The following PPP1R12B variants were observed in gnomAD, a reference collection of about 807,000 sequenced individuals.
The protein encoded by PPP1R12B is protein phosphatase 1 regulatory subunit 12B.
In PPP1R12B, 76 loss-of-function variants were observed where a neutral mutation model predicts 126.1. The observed-to-expected ratio is 0.60, with a 90% CI of 0.50 to 0.73. The LOEUF is 0.73. PPP1R12B is among the 30% of genes least tolerant of loss of function. PPP1R12B has a pLI of 0.00. For missense variants in PPP1R12B, 1,052 were observed against 1,205.1 expected (o/e 0.87, Z 1.88); for synonymous variants, 356 against 434.7 (o/e 0.82, Z 2.25).
intron 1 of PPP1R12B, among the ~76,000 whole-genome samples, chr1:202,354,683 C>G (rs1042294940): frequency 6.6e-6 from 1 of 151,554 alleles, no homozygotes; most frequent in Non-Finnish European, 1.5e-5. Flanking sequence ...GAGTCTCGCT[C>G]TGTCAGCCAG....
chr1:202,477,739 A>G (rs1676849597), intron 13 of PPP1R12B, among the ~76,000 whole-genome samples: 1 of 152,128 alleles, frequency 6.6e-6, no homozygotes, highest in South Asian at 2.1e-4. Flanking sequence ...GGCAGTATAA[A>G]CTTTAGTGAC....
At chr1:202,440,311 A>G (rs1443914427) in intron 10 of PPP1R12B, among the ~76,000 whole-genome samples, 1 of 152,214 alleles carries the variant, frequency 6.6e-6, no homozygotes, top group Admixed American at 6.5e-5. Flanking sequence ...AGGAAGCTGT[A>G]TTTCAAGGAA....
At chr1:202,480,491 A>G (rs2148817541) in intron 13 of PPP1R12B, among the ~76,000 whole-genome samples, 1 of 152,364 alleles carries the variant, frequency 6.6e-6, no homozygotes, top group East Asian at 1.9e-4. Flanking sequence ...TGGTCAAACA[A>G]TGGGTATTCA....
intron 17 of PPP1R12B, 73 bp from the exon 18 acceptor site, chr1:202,496,708 G>A: frequency 7.4e-7 from 1 of 1,344,940 alleles, no homozygotes; most frequent in South Asian, 1.3e-5. Context: ...ATAATTGATG[G>A]GATCTGACCT....
At position 202,512,396 on chromosome 1, in the gene PPP1R12B, C is replaced by G. The variant is rs1235273609; in HGVS notation, c.2490+15574C>G. On this transcript the variant is annotated intron_variant, in intron 18 of 23. Transcript: ENST00000608999. Reference sequence around the variant, plus strand: ...AAACTCAGCAGGATTTGATGTTTTACTAGATGTGGATGATAAAAGCATAAA... The same window carrying G: ...AAACTCAGCAGGATTTGATGTTTTAGTAGATGTGGATGATAAAAGCATAAA... 6.6e-4 allele frequency among the ~76,000 whole-genome samples: 100 copies of G among 152,242 alleles called. 2 individuals are homozygous for G. Among genetic ancestry groups the G allele is most frequent in the Admixed American group, 6.4e-3 (98 of 15,300 alleles).
intron 19 of PPP1R12B, 129 bp from the exon 20 acceptor site, chr1:202,562,649 T>A (rs751751363): frequency 1.9e-5 from 20 of 1,035,334 alleles, no homozygotes; most frequent in African/African-American, 1.9e-4. Context: ...GGAAAGAATG[T>A]TATGAGTTGT....
chr1:202,459,734 C>T (rs1674079557), intron 13 of PPP1R12B, among the ~76,000 whole-genome samples: 1 of 152,208 alleles, frequency 6.6e-6, no homozygotes, highest in East Asian at 1.9e-4. Context: ...ATTGAATTTA[C>T]TGACCATTTC....
intron 18 of PPP1R12B, among the ~76,000 whole-genome samples, chr1:202,528,443 CT>C (rs1374973254): frequency 6.6e-6 from 1 of 152,202 alleles, no homozygotes; most frequent in African/African-American, 2.4e-5. Context: ...CTCTAGGAAT[CT>C]AATAAATTTG....
At chr1:202,406,972 CAAAGTAG>C in intron 1 of PPP1R12B, among the ~76,000 whole-genome samples, 1 of 152,244 alleles carries the variant, frequency 6.6e-6, no homozygotes, top group African/African-American at 2.4e-5. Context: ...CAGTGAGTAA[CAAAGTAG>C]AGATTTGGAG....
chr1:202,540,159 G>C, intron 18 of PPP1R12B: 1 of 1,609,342 alleles, frequency 6.2e-7, no homozygotes, highest in Non-Finnish European at 8.5e-7. Flanking sequence ...TTATATACCC[G>C]AAGTAAAGAA....
At chr1:202,396,441 T>C (rs1413701611) in intron 1 of PPP1R12B, among the ~76,000 whole-genome samples, 1 of 152,192 alleles carries the variant, frequency 6.6e-6, no homozygotes, top group African/African-American at 2.4e-5. Context: ...CAGTGTTTAA[T>C]GAATATTAAT....
At chr1:202,463,822 A>G (rs1674626700) in intron 13 of PPP1R12B, among the ~76,000 whole-genome samples, 1 of 152,202 alleles carries the variant, frequency 6.6e-6, no homozygotes, top group African/African-American at 2.4e-5. Flanking sequence ...TTAGTTCTGT[A>G]GAGAGAGCAC....
intron 13 of PPP1R12B, among the ~76,000 whole-genome samples, chr1:202,464,923 A>G (rs1438760825): frequency 1.3e-5 from 2 of 152,196 alleles, no homozygotes; most frequent in Non-Finnish European, 2.9e-5. Flanking sequence ...TTAGGTAGGT[A>G]TATTAAGAGT....
In PPP1R12B at chr1:202,413,932, C is replaced by T. The variant is rs1667728599; in HGVS notation, c.292-2855C>T. Among the ~76,000 whole-genome samples, 4 of 151,930 alleles carry T rather than the reference C, an allele frequency of 2.6e-5. No homozygotes were observed. In the South Asian group the frequency reaches 8.3e-4, roughly 32 times the overall value. On this transcript the variant is annotated intron_variant, in intron 1 of 23. Transcript: ENST00000608999. ...AACTCCAACAAGTGATGGTTCGTTT[C>T]CTTTTTTTTTTGAGACACAGTCTCT... is the stretch of plus-strand genomic sequence containing the variant.
chr1:202,360,525 A>G (rs1657972812), intron 1 of PPP1R12B, among the ~76,000 whole-genome samples: 1 of 152,076 alleles, frequency 6.6e-6, no homozygotes, highest in Non-Finnish European at 1.5e-5. Context: ...CCTGCCAAAC[A>G]TGGTGAAACC....
Position 202,587,889 on chromosome 1 carries a change from C to T in PPP1R12B, c.*7329C>T, listed in dbSNP as rs8288. ...AAAAAAGACACCAGGAGGCAGGCTG[C>T]GGGGTAGGAGAGGGTTCTGAGAGGA... is the stretch of plus-strand genomic sequence containing the variant. On this transcript the variant is annotated 3_prime_UTR_variant, in exon 24 of 24. Coordinates refer to ENST00000608999, the MANE Select transcript of PPP1R12B (RefSeq NM_002481.4). 76,248 of 152,044 alleles carry T rather than the reference C, an allele frequency of 0.5. 21,931 individuals are homozygous for T. The highest frequency in any genetic ancestry group is 0.69 in the East Asian group (3,546 of 5,170). 9.4% of individuals were successfully genotyped at this position (152,044 alleles called of 1,614,324 possible). A position where few individuals can be genotyped will look rare whatever the true frequency, so the allele number is the denominator to read the frequency against.
chr1:202,449,293 T>G, intron 13 of PPP1R12B, 122 bp downstream of exon 13: 2 of 1,354,884 alleles, frequency 1.5e-6, no homozygotes, highest in Non-Finnish European at 1.9e-6. Flanking sequence ...TTTTTTTTTT[T>G]GAGACAGAGC....
intron 12 of PPP1R12B, 44 bp from the exon 13 acceptor site, chr1:202,448,945 A>G: frequency 2.5e-6 from 4 of 1,581,874 alleles, no homozygotes; most frequent in Non-Finnish European, 3.5e-6. Context: ...GTTGTATAGC[A>G]TGCCTAACCA....
At chr1:202,428,662 G>A (rs557432428) in intron 5 of PPP1R12B, 193 bp from the exon 6 acceptor site, 1 of 547,092 alleles carries the variant, frequency 1.8e-6, no homozygotes. Context: ...ATATTTAAAG[G>A]ATTTGGTGTT....
Sources: allele counts gnomAD v4.1 joint callset (sites outside exome capture counted in the v4.1 genomes callset), GRCh38; gene constraint gnomAD v4.1.1; transcripts MANE v1.5; gene names NCBI Gene and HGNC (gene_info 2026-07-23, HGNC 2026-07-21).